The following ASB8 variants were observed in gnomAD, a reference collection of about 807,000 sequenced individuals.
The protein encoded by ASB8 is ankyrin repeat and SOCS box protein 8.
In ASB8, 15 loss-of-function variants were observed where a neutral mutation model predicts 22.9. That is an observed-to-expected ratio of 0.66 (90% confidence interval 0.44 to 1.01). ASB8 has a LOEUF of 1.01. Among genes scored for constraint, ASB8 ranks in the 50% least tolerant of loss-of-function variants. The pLI is 0.00. For missense variants in ASB8, 294 were observed against 356.9 expected (o/e 0.82, Z 1.42); for synonymous variants, 124 against 140.8 (o/e 0.88, Z 0.84).
intron 1 of ASB8, among the ~76,000 whole-genome samples, chr12:48,155,742 A>ATATATATAT (rs1555211489): frequency 2.8e-4 from 32 of 114,950 alleles, no homozygotes; most frequent in African/African-American, 1.1e-3. Flanking sequence ...AAAAAAAAAA[A>ATATATATAT]ATATATATAT....
At position 48,153,219 on chromosome 12, in the gene ASB8, A is replaced by G. The variant is rs573441829; in HGVS notation, c.129+149T>C. ...GGGAAGCGAAGCAAACATAGGGGAAATACATTTTAATGATCAAGTTAATGC... is the reference window on the plus strand; with the variant it reads ...GGGAAGCGAAGCAAACATAGGGGAAGTACATTTTAATGATCAAGTTAATGC... On this transcript the variant is annotated intron_variant, in intron 2 of 3. Coordinates refer to ENST00000317697, the MANE Select transcript of ASB8 (RefSeq NM_024095.5). 4.8e-5 allele frequency: 44 copies of G among 916,170 alleles called. 1 individual carries two copies. In the South Asian group the frequency reaches 6.8e-4, roughly 14 times the overall value. 56.8% of individuals were successfully genotyped at this position (916,170 alleles called of 1,614,324 possible).
chr12:48,149,130 G>T lies in ASB8; in HGVS notation c.*236C>A. The T allele has an allele frequency of 1.8e-6, 1 of 552,544 alleles. No homozygotes were observed. Among genetic ancestry groups the T allele is most frequent in the East Asian group, 3.1e-5 (1 of 32,346 alleles). The allele number at this position is 552,544 out of a possible 1,614,324, so 34.2% of individuals were successfully genotyped here. On this transcript the variant is annotated 3_prime_UTR_variant, in exon 4 of 4. Transcript: ENST00000317697. Reference sequence around the variant, plus strand: ...AGGGAGACCTCTTCTTTTGCAAAATGCAATATAAAAAGCCAGGTAAGCAAT... The same window carrying T: ...AGGGAGACCTCTTCTTTTGCAAAATTCAATATAAAAAGCCAGGTAAGCAAT...
Position 48,153,508 on chromosome 12 carries a change from G to A in ASB8, c.-12C>T. 6.2e-7 allele frequency: 1 copy of A among 1,613,344 alleles called. No homozygotes were observed. Among genetic ancestry groups the A allele is most frequent in the South Asian group, 1.1e-5 (1 of 91,026 alleles). The stretch of plus-strand genomic sequence containing the variant: ...ATACTGGAACTCATCAAGGCTCAAG[G>A]TGTTCACATGCTCCAAACTGCCTGA... On this transcript the variant is annotated 5_prime_UTR_variant, in exon 2 of 4. Coordinates refer to ENST00000317697, the MANE Select transcript of ASB8 (RefSeq NM_024095.5).
At chr12:48,155,645 G>A (rs1326291998) in intron 1 of ASB8, among the ~76,000 whole-genome samples, 1 of 149,950 alleles carries the variant, frequency 6.7e-6, no homozygotes, top group African/African-American at 2.4e-5. Flanking sequence ...CAGGAGAATC[G>A]CTTGAACCTG....
Position 48,153,455 on chromosome 12 carries a change from G to T in ASB8, c.42C>A (p.Ser14Arg). ...SMWYIMQSIQ[S>R]KYSLSERLIR... ...TTAAGCGCTCGGAGAGAGAGTATTT[G>T]CTCTGAATGCTCTGCATAATATACC... The change falls in exon 2 of 4, where the codon AGC (serine) becomes AGA (arginine). Residue 14 changes from serine to arginine, a missense_variant. Coordinates refer to ENST00000317697, the MANE Select transcript of ASB8 (RefSeq NM_024095.5). The T allele has an allele frequency of 1.2e-6, 2 of 1,613,348 alleles. No homozygotes were observed. Among genetic ancestry groups the T allele is most frequent in the Non-Finnish European group, 1.7e-6 (2 of 1,179,292 alleles).
rs1491498289 is a variant in ASB8 at position 48,149,877 on chromosome 12, T to TC, written c.355dup (p.Asp119GlyfsTer10). Reference sequence around the variant, plus strand: ...AAAGGCTGCCCAGTGAAGTGGGGTATCTCTGTTGCCATCCAAAGCATTGGG... The same window carrying TC: ...AAAGGCTGCCCAGTGAAGTGGGGTATCCTCTGTTGCCATCCAAAGCATTGGG... On this transcript the variant is annotated frameshift_variant, in exon 4 of 4. Transcript: ENST00000317697. LOFTEE classifies it high-confidence loss of function. 1 of 1,614,210 alleles carries TC rather than the reference T, an allele frequency of 6.2e-7. No homozygotes were observed. Among genetic ancestry groups the TC allele is most frequent in the Admixed American group, 1.7e-5 (1 of 60,028 alleles).
In ASB8 at chr12:48,149,704, C is replaced by A. The variant is rs1324357314; in HGVS notation, c.529G>T (p.Val177Phe). The A allele has an allele frequency of 6.2e-7, 1 of 1,614,144 alleles. No homozygotes were observed. Among genetic ancestry groups the A allele is most frequent in the South Asian group, 1.1e-5 (1 of 91,074 alleles). ...VSILLDYGAE[V>F]RVINLIGQTP... Reference sequence around the variant, plus strand: ...TGGCCTATTAGGTTGATGACTCTGACCTCTGCGCCATAATCCAGAAGGATG... The same window carrying A: ...TGGCCTATTAGGTTGATGACTCTGAACTCTGCGCCATAATCCAGAAGGATG... The change falls in exon 4 of 4, where the codon GTC (valine) becomes TTC (phenylalanine). Residue 177 changes from valine (V) to phenylalanine (F), a missense_variant. By Grantham distance (50) the Val-to-Phe change is conservative (BLOSUM62 -1). Coordinates refer to ENST00000317697, the MANE Select transcript of ASB8 (RefSeq NM_024095.5).
intron 2 of ASB8, chr12:48,153,142 G>C: frequency 2.0e-6 from 1 of 496,702 alleles, no homozygotes; most frequent in South Asian, 2.1e-5. Context: ...TAGGGTTATT[G>C]AGAACATATT....
intron 1 of ASB8, among the ~76,000 whole-genome samples, chr12:48,155,508 G>A (rs1326997373): frequency 6.6e-6 from 1 of 151,912 alleles, no homozygotes. Flanking sequence ...GATCACTTGA[G>A]GTCAGCAGTT....
In ASB8 at chr12:48,150,042, G is replaced by A. The variant is rs764881734; in HGVS notation, c.235-44C>T. Reference sequence around the variant, plus strand: ...TATTACAGTAGACAGACTACTGAGAGGAAGACAGGACAGCAGCAAAGAAGC... The same window carrying A: ...TATTACAGTAGACAGACTACTGAGAAGAAGACAGGACAGCAGCAAAGAAGC... On this transcript the variant is annotated intron_variant, in intron 3 of 3. Transcript: ENST00000317697. 53 of 1,576,212 alleles carry A rather than the reference G, an allele frequency of 3.4e-5. No individual in the cohort carries two copies. The Middle Eastern group carries it at 6.7e-4, about 20-fold the overall frequency.
At position 48,148,658 on chromosome 12, in the gene ASB8, GTTTTTTTTTTTT is replaced by G; in HGVS notation, c.*696_*707del. On this transcript the variant is annotated 3_prime_UTR_variant, in exon 4 of 4. Coordinates refer to ENST00000317697, the MANE Select transcript of ASB8 (RefSeq NM_024095.5). ...GTTTTTTCACAGATCAATTAAAATG[GTTTTTTTTTTTT>G]TTTTTTTTTTTTGAGACAGTTTTGC... 1.6e-5 allele frequency: 1 copy of G among 62,804 alleles called. No individual in the cohort carries two copies. Among genetic ancestry groups the G allele is most frequent in the South Asian group, 6.6e-4 (1 of 1,514 alleles). The allele number at this position is 62,804 out of a possible 1,614,324, so 3.9% of individuals were successfully genotyped here.
intron 2 of ASB8, 151 bp downstream of exon 2, chr12:48,153,217 A>G: frequency 1.1e-6 from 1 of 895,924 alleles, no homozygotes; most frequent in Non-Finnish European, 1.7e-6. Context: ...AACATAGGGG[A>G]AATACATTTT....
chr12:48,149,838 T>A lies in ASB8; in HGVS notation c.395A>T (p.Glu132Val). Reference protein sequence around the residue: ...LHWAAFKNNAECVRALLESGA... With the variant: ...LHWAAFKNNAVCVRALLESGA... ...GCTCTCTAGGAGAGCCCGCACACACTCAGCATTGTTCTTAAAGGCTGCCCA... is the reference window on the plus strand; with the variant it reads ...GCTCTCTAGGAGAGCCCGCACACACACAGCATTGTTCTTAAAGGCTGCCCA... Residue 132 changes from glutamate to valine, a missense_variant, in exon 4 of 4, where the codon GAG (glutamate) becomes GTG (valine). Physicochemically the swap from Glu to Val is moderately radical, Grantham distance 121. Coordinates refer to ENST00000317697, the MANE Select transcript of ASB8 (RefSeq NM_024095.5). 1 of 1,614,174 alleles carries A rather than the reference T, an allele frequency of 6.2e-7. No individual in the cohort carries two copies. The highest frequency in any genetic ancestry group is 8.5e-7 in the Non-Finnish European group (1 of 1,180,014).
At chr12:48,150,207 G>A (rs769369358) in intron 3 of ASB8, 1 of 707,978 alleles carries the variant, frequency 1.4e-6, no homozygotes, top group South Asian at 1.5e-5. Flanking sequence ...TCCTCAAACA[G>A]TCAACACTAT....
chr12:48,150,458 T>C (rs772418382), intron 3 of ASB8, among the ~76,000 whole-genome samples: 16 of 152,228 alleles, frequency 1.1e-4, no homozygotes, highest in Non-Finnish European at 1.5e-4. Flanking sequence ...CTGAAAAACA[T>C]AGCTTTTGCT....
At chr12:48,150,809 CAG>C in intron 3 of ASB8, 1 of 259,858 alleles carries the variant, frequency 3.8e-6, no homozygotes. Flanking sequence ...TAGATTTAAT[CAG>C]AGTTGAGGGA....
At position 48,149,736 on chromosome 12, in the gene ASB8, C is replaced by T; in HGVS notation, c.497G>A (p.Ser166Asn). The change falls in exon 4 of 4, where the codon AGT (serine) becomes AAT (asparagine). Residue 166 changes from serine to asparagine, a missense_variant. By Grantham distance (46) the Ser-to-Asn change is conservative (BLOSUM62 1). Transcript: ENST00000317697. ...GCCATAATCCAGAAGGATGCTGACA[C>T]TCTCAAGATTTCCCTTCATGGCAGC... ...SWAAMKGNLE[S>N]VSILLDYGAE... 6.2e-7 allele frequency: 1 copy of T among 1,614,196 alleles called. No individual in the cohort carries two copies. The highest frequency in any genetic ancestry group is 8.5e-7 in the Non-Finnish European group (1 of 1,180,034).
At position 48,149,679 on chromosome 12, in the gene ASB8, T is replaced by C. The variant is rs1459007961; in HGVS notation, c.554A>G (p.Gln185Arg). The C allele has an allele frequency of 6.2e-7, 1 of 1,614,132 alleles. No individual in the cohort carries two copies. Among genetic ancestry groups the C allele is most frequent in the Admixed American group, 1.7e-5 (1 of 60,030 alleles). The change falls in exon 4 of 4, where the codon CAG becomes CGG. Residue 185 changes from glutamine (Q) to arginine (R), a missense_variant. Coordinates refer to ENST00000317697, the MANE Select transcript of ASB8 (RefSeq NM_024095.5). The part of the protein sequence containing the change: ...AEVRVINLIG[Q>R]TPISRLVALL... Reference sequence around the variant, plus strand: ...AGCCACCAGGCGGGAGATGGGTGTCTGGCCTATTAGGTTGATGACTCTGAC... The same window carrying C: ...AGCCACCAGGCGGGAGATGGGTGTCCGGCCTATTAGGTTGATGACTCTGAC...
chr12:48,149,070 TACACTGTTG>T lies in ASB8; in HGVS notation c.*287_*295del. On this transcript the variant is annotated 3_prime_UTR_variant, in exon 4 of 4. Coordinates refer to ENST00000317697, the MANE Select transcript of ASB8 (RefSeq NM_024095.5). ...TTCCATCTTCCTAGAGAAATTTAGT[TACACTGTTG>T]ACTCCTTCCCTAAAGGGGAGGATTG... 2.5e-6 allele frequency: 1 copy of T among 396,210 alleles called. No individual in the cohort carries two copies. The highest frequency in any genetic ancestry group is 4.5e-6 in the Non-Finnish European group (1 of 220,722). The allele number at this position is 396,210 out of a possible 1,614,324, so 24.5% of individuals were successfully genotyped here.
Sources: gnomAD v4.1 joint callset for allele counts (sites outside exome capture counted in the v4.1 genomes callset) on GRCh38, gnomAD v4.1.1 for gene constraint, MANE v1.5 for transcripts, NCBI Gene and HGNC (gene_info 2026-07-23, HGNC 2026-07-21) for gene names.